Variants in SMYD3 observed in about 807,000 individuals in gnomAD.
The protein encoded by SMYD3 is SET and MYND domain containing 3.
In SMYD3, 36 loss-of-function variants were observed where a neutral mutation model predicts 57.7. The ratio of observed to expected loss-of-function variants is 0.62; its 90% confidence interval spans 0.48 to 0.82. The LOEUF (loss-of-function observed/expected upper bound fraction) is 0.82, where lower values mean the gene tolerates loss of function less well. Ranked by LOEUF, SMYD3 falls within the 40% of genes least tolerant of loss-of-function variation. The probability of loss-of-function intolerance (pLI) is 0.00; values close to 1 mark genes in which losing one functional copy is unlikely to be tolerated. For missense variants in SMYD3, 515 were observed against 538.8 expected (o/e 0.96, Z 0.44); for synonymous variants, 211 against 195.0 (o/e 1.08, Z -0.68).
At chr1:246,338,971 A>G (rs1178863952) in intron 2 of SMYD3, among the ~76,000 whole-genome samples, 2 of 152,236 alleles carry the variant, frequency 1.3e-5, no homozygotes, top group African/African-American at 4.8e-5. Flanking sequence ...TCCAAATCCA[A>G]TGCAACTTTC....
intron 11 of SMYD3, among the ~76,000 whole-genome samples, chr1:245,754,292 TCAAA>T (rs1245352851): frequency 3.9e-5 from 6 of 152,148 alleles, no homozygotes; most frequent in Admixed American, 6.5e-5. Context: ...ATCAAGGATC[TCAAA>T]CAGTTTCTAC....
intron 5 of SMYD3, among the ~76,000 whole-genome samples, chr1:246,210,903 G>C (rs760206355): frequency 1.3e-5 from 2 of 152,114 alleles, no homozygotes; most frequent in Non-Finnish European, 2.9e-5. Flanking sequence ...GCAGAAACAT[G>C]AGTGCTGCAC....
At chr1:246,304,257 C>T (rs796320663) in intron 5 of SMYD3, among the ~76,000 whole-genome samples, 22 of 152,154 alleles carry the variant, frequency 1.4e-4, no homozygotes, top group Admixed American at 7.2e-4. Flanking sequence ...ATATAGCACA[C>T]GTACAAAACA....
intron 1 of SMYD3, among the ~76,000 whole-genome samples, chr1:246,474,519 C>CAAAAAA (rs35626265): frequency 1.3e-5 from 1 of 78,832 alleles, no homozygotes; most frequent in African/African-American, 4.6e-5. Context: ...ACTCCCCTCT[C>CAAAAAA]AAAAAAAAAA....
At chr1:246,111,398 C>A (rs1299242222) in intron 5 of SMYD3, 1 of 152,206 alleles carries the variant, frequency 6.6e-6, no homozygotes, top group African/African-American at 2.4e-5. Flanking sequence ...ACTGAGCAAG[C>A]AGTGGTCCTT....
At chr1:246,131,050 T>C (rs2061579638) in intron 5 of SMYD3, among the ~76,000 whole-genome samples, 1 of 152,128 alleles carries the variant, frequency 6.6e-6, no homozygotes, top group Admixed American at 6.5e-5. Context: ...ACCTTCCTTG[T>C]GTGGCTTCCT....
At chr1:246,038,737 C>T (rs1572928211) in intron 5 of SMYD3, among the ~76,000 whole-genome samples, 1 of 152,254 alleles carries the variant, frequency 6.6e-6, no homozygotes. Flanking sequence ...GGGGATCTCT[C>T]GGGATTTCCA....
intron 8 of SMYD3, among the ~76,000 whole-genome samples, chr1:245,876,522 T>G (rs2148532947): frequency 6.6e-6 from 1 of 152,284 alleles, no homozygotes; most frequent in Admixed American, 6.5e-5. Flanking sequence ...GTATTGATGG[T>G]TTTGCTTTTC....
chr1:246,173,928 TCCTGAGTAC>T (rs2062388960), intron 5 of SMYD3, among the ~76,000 whole-genome samples: 1 of 152,120 alleles, frequency 6.6e-6, no homozygotes, highest in Admixed American at 6.6e-5. Flanking sequence ...CACCTCGGCC[TCCTGAGTAC>T]CCAGGACTAC....
chr1:246,013,462 G>C (rs1466223042), intron 5 of SMYD3, among the ~76,000 whole-genome samples: 3 of 152,232 alleles, frequency 2.0e-5, no homozygotes. Context: ...CTACAGGCAT[G>C]AGCCACTGCA....
intron 9 of SMYD3, among the ~76,000 whole-genome samples, chr1:245,862,845 T>G (rs570003533): frequency 6.6e-6 from 1 of 152,360 alleles, no homozygotes; most frequent in East Asian, 1.9e-4. Context: ...AGCACTGTGA[T>G]GATCACAGCT....
chr1:246,205,142 A>T (rs1175324744), intron 5 of SMYD3, among the ~76,000 whole-genome samples: 1 of 152,212 alleles, frequency 6.6e-6, no homozygotes, highest in African/African-American at 2.4e-5. Flanking sequence ...ACAATAAAAG[A>T]AGTTTTGTAC....
intron 5 of SMYD3, among the ~76,000 whole-genome samples, chr1:246,217,910 A>T (rs1193496429): frequency 1.3e-5 from 2 of 152,170 alleles, no homozygotes; most frequent in African/African-American, 2.4e-5. Flanking sequence ...TCATGGCCCA[A>T]CAATTCCATT....
chr1:245,935,985 T>C (rs1336264942), intron 5 of SMYD3, among the ~76,000 whole-genome samples: 1 of 152,200 alleles, frequency 6.6e-6, no homozygotes, highest in African/African-American at 2.4e-5. Context: ...CTACAGTTAA[T>C]AATAAATTGT....
intron 1 of SMYD3, among the ~76,000 whole-genome samples, chr1:246,404,854 C>T (rs2066834678): frequency 6.6e-6 from 1 of 152,160 alleles, no homozygotes; most frequent in Non-Finnish European, 1.5e-5. Flanking sequence ...ACCTTTCTTT[C>T]ATTACAGAAA....
At chr1:245,903,641 T>C (rs558294902) in intron 8 of SMYD3, among the ~76,000 whole-genome samples, 280 of 152,278 alleles carry the variant, frequency 1.8e-3, no homozygotes, top group African/African-American at 6.6e-3. Flanking sequence ...CCAGCAGTGG[T>C]GCGTGGTGAC....
At chr1:246,338,989 C>G (rs969432512) in intron 2 of SMYD3, among the ~76,000 whole-genome samples, 2 of 152,190 alleles carry the variant, frequency 1.3e-5, no homozygotes, top group Admixed American at 1.3e-4. Context: ...TTCAAGTGTC[C>G]AACCAAATTC....
At position 246,248,636 on chromosome 1, in the gene SMYD3, C is replaced by CTTTTTTT. The variant is rs1178698803; in HGVS notation, c.531+78558_531+78564dup. Among the ~76,000 whole-genome samples the CTTTTTTT allele has an allele frequency of 2.5e-4, 13 of 52,088 alleles. No individual in the cohort carries two copies. In the East Asian group the frequency reaches 5.5e-3, roughly 22 times the overall value. The allele number at this position is 52,088 out of a possible 152,430, so 34.2% of individuals were successfully genotyped here. On this transcript the variant is annotated intron_variant, in intron 5 of 11. Transcript: ENST00000490107. ...GTTATGCAAAAGCTCTCTGACTTTC[C>CTTTTTTT]TTTTTTTTTTTTTTTTTTTTTTTGA...
chr1:245,849,271 T>TGAGTGTTAAAA (rs2050828367), intron 10 of SMYD3, among the ~76,000 whole-genome samples: 1 of 152,236 alleles, frequency 6.6e-6, no homozygotes, highest in South Asian at 2.1e-4. Flanking sequence ...ACATGGTTCT[T>TGAGTGTTAAAA]GACTGGGAGC....
Sources: gnomAD v4.1 joint callset for allele counts (sites outside exome capture counted in the v4.1 genomes callset) on GRCh38, gnomAD v4.1.1 for gene constraint, MANE v1.5 for transcripts, NCBI Gene and HGNC (gene_info 2026-07-23, HGNC 2026-07-21) for gene names.